The following SMAD1 variants were observed in gnomAD, a reference collection of about 807,000 sequenced individuals.
SMAD1 encodes the protein SMAD family member 1.
In SMAD1, 6 loss-of-function variants were observed where a neutral mutation model predicts 41.6. The observed-to-expected ratio is 0.14, with a 90% CI of 0.08 to 0.28. The LOEUF (loss-of-function observed/expected upper bound fraction) is 0.28, where lower values mean the gene tolerates loss of function less well. Among genes scored for constraint, SMAD1 ranks in the 10% least tolerant of loss-of-function variants. The pLI, the probability that SMAD1 is intolerant of heterozygous loss-of-function variation, is 1.00. For synonymous variants in SMAD1, 206 were observed against 203.2 expected, an observed-to-expected ratio of 1.01 and a Z score of -0.12; for missense variants, 379 against 582.6, an observed-to-expected ratio of 0.65 and a Z score of 3.60.
upstream of SMAD1, chr4:145,481,216 C>G (rs1433041739): frequency 6.6e-6 from 1 of 152,100 alleles, no homozygotes; most frequent in Non-Finnish European, 1.5e-5. Flanking sequence ...AACAAGGTTA[C>G]CTACTCGAAT....
At chr4:145,516,373 C>T (rs1479705625) in intron 2 of SMAD1, among the ~76,000 whole-genome samples, 1 of 152,140 alleles carries the variant, frequency 6.6e-6, no homozygotes, top group East Asian at 1.9e-4. Context: ...CTATGAAAAA[C>T]ACTTTGGGAA....
At chr4:145,529,488 G>A (rs965026237) in intron 2 of SMAD1, among the ~76,000 whole-genome samples, 2 of 152,190 alleles carry the variant, frequency 1.3e-5, no homozygotes, top group African/African-American at 4.8e-5. Context: ...ACTGAGGTGG[G>A]AATTTATGCC....
Position 145,546,938 on chromosome 4 carries a change from T to C in SMAD1, c.997+14T>C. ...ATATTGGAAAAGGTGAGTTTTTGCT[T>C]TAACCTCTTTCAGATGTTTATCTGT... On this transcript the variant is annotated intron_variant, in intron 5 of 6. Coordinates refer to ENST00000302085, the MANE Select transcript of SMAD1 (RefSeq NM_005900.3). 6.3e-7 allele frequency: 1 copy of C among 1,594,272 alleles called. No individual in the cohort carries two copies. The highest frequency in any genetic ancestry group is 8.6e-7 in the Non-Finnish European group (1 of 1,162,038).
rs1732692190 is a variant in SMAD1 at position 145,553,877 on chromosome 4, A to G, written c.1091A>G (p.His364Arg). ...CAAAGTCGGAACTGCAACTACCATC[A>G]TGGATTTCATCCTACTACTGTTTGC... ...FVQSRNCNYH[H>R]GFHPTTVCKI... Residue 364 changes from histidine to arginine, a missense_variant, in exon 6 of 7, where the codon CAT becomes CGT. His to Arg is a conservative substitution (Grantham distance 29). Coordinates refer to ENST00000302085, the MANE Select transcript of SMAD1 (RefSeq NM_005900.3). The G allele has an allele frequency of 6.2e-7, 1 of 1,614,040 alleles. No individual in the cohort carries two copies. The highest frequency in any genetic ancestry group is 8.5e-7 in the Non-Finnish European group (1 of 1,180,028).
chr4:145,484,811 T>C (rs1728389760), intron 1 of SMAD1: 1 of 152,220 alleles, frequency 6.6e-6, no homozygotes, highest in African/African-American at 2.4e-5. Context: ...AAAATATCAG[T>C]GGACCACATA....
chr4:145,534,805 A>T (rs1420317387), intron 2 of SMAD1, among the ~76,000 whole-genome samples: 1 of 152,246 alleles, frequency 6.6e-6, no homozygotes, highest in East Asian at 1.9e-4. Context: ...CTTTATATGC[A>T]CTAGAAGTAT....
chr4:145,533,983 A>C (rs1731468803), intron 2 of SMAD1, among the ~76,000 whole-genome samples: 1 of 152,114 alleles, frequency 6.6e-6, no homozygotes, highest in Admixed American at 6.5e-5. Context: ...AAAAGAGGTA[A>C]TTAAATTAAA....
At chr4:145,524,477 A>G (rs985443075) in intron 2 of SMAD1, among the ~76,000 whole-genome samples, 44 of 152,226 alleles carry the variant, frequency 2.9e-4, no homozygotes, top group Admixed American at 2.6e-3. Context: ...CGATGGAAGC[A>G]GACATCTAGA....
intron 1 of SMAD1, among the ~76,000 whole-genome samples, chr4:145,501,605 T>C (rs755381479): frequency 1.3e-5 from 2 of 152,104 alleles, no homozygotes; most frequent in African/African-American, 4.8e-5. Flanking sequence ...GAGAGAAATA[T>C]GTTCCAAAAC....
intron 1 of SMAD1, among the ~76,000 whole-genome samples, chr4:145,508,730 C>T (rs1729921404): frequency 3.9e-5 from 6 of 152,116 alleles, no homozygotes; most frequent in Admixed American, 3.9e-4. Flanking sequence ...ACCATATAGA[C>T]TGAGTGGCTT....
intron 1 of SMAD1, among the ~76,000 whole-genome samples, chr4:145,501,098 T>G (rs1729411453): frequency 6.6e-6 from 1 of 152,222 alleles, no homozygotes. Context: ...TTTGAAAGCA[T>G]GGAGAATGTG....
intron 1 of SMAD1, chr4:145,513,326 T>A (rs1349943836): frequency 6.6e-6 from 1 of 152,426 alleles, no homozygotes; most frequent in East Asian, 1.9e-4. Flanking sequence ...GTTTTCTGGC[T>A]TGTTTGTTTG....
At chr4:145,519,370 A>G (rs985655709) in intron 2 of SMAD1, among the ~76,000 whole-genome samples, 11 of 150,754 alleles carry the variant, frequency 7.3e-5, no homozygotes, top group African/African-American at 2.7e-4. Context: ...TGCTGGGATT[A>G]TAGGCGTGAG....
At chr4:145,512,373 T>C (rs529893660) in intron 1 of SMAD1, among the ~76,000 whole-genome samples, 4 of 152,324 alleles carry the variant, frequency 2.6e-5, no homozygotes, top group Admixed American at 1.3e-4. Context: ...ACTCTACTTA[T>C]GCAGTGCTAG....
At chr4:145,505,869 G>T (rs1371670926) in intron 1 of SMAD1, among the ~76,000 whole-genome samples, 1 of 151,122 alleles carries the variant, frequency 6.6e-6, no homozygotes, top group Admixed American at 6.6e-5. Flanking sequence ...TTTTGAGGCG[G>T]AGTCTCAATC....
At chr4:145,543,599 G>A (rs1475893361) in intron 4 of SMAD1, among the ~76,000 whole-genome samples, 1 of 152,180 alleles carries the variant, frequency 6.6e-6, no homozygotes, top group African/African-American at 2.4e-5. Flanking sequence ...CTTTAGTAAA[G>A]GGTGGGTCTT....
At chr4:145,522,011 A>G (rs1221693745) in intron 2 of SMAD1, among the ~76,000 whole-genome samples, 1 of 152,170 alleles carries the variant, frequency 6.6e-6, no homozygotes, top group African/African-American at 2.4e-5. Flanking sequence ...AATAAAATTA[A>G]TATTTTATAA....
chr4:145,540,155 GT>G, intron 3 of SMAD1, 94 bp downstream of exon 3: 1 of 1,447,608 alleles, frequency 6.9e-7, no homozygotes, highest in Non-Finnish European at 9.5e-7. Context: ...GTGGAGGGAG[GT>G]TTTCAGCCCT....
At chr4:145,481,360 G>A (rs904837088), upstream of SMAD1, 2 of 152,082 alleles carry the variant, frequency 1.3e-5, no homozygotes, top group African/African-American at 4.8e-5. Flanking sequence ...GAGTGAGTGA[G>A]GGGCAACGAA....
Sources: gnomAD v4.1 joint callset for allele counts (sites outside exome capture counted in the v4.1 genomes callset) on GRCh38, gnomAD v4.1.1 for gene constraint, MANE v1.5 for transcripts, NCBI Gene and HGNC (gene_info 2026-07-23, HGNC 2026-07-21) for gene names.